Variants in OLFM2 observed in about 807,000 individuals in gnomAD.
OLFM2 encodes the protein noelin-2.
Under a neutral mutation model 43.9 loss-of-function variants are expected in OLFM2, and 20 were observed. That is an observed-to-expected ratio of 0.46 (90% CI 0.32 to 0.66). The LOEUF (loss-of-function observed/expected upper bound fraction) is 0.66. OLFM2 is among the 30% of genes least tolerant of loss of function. OLFM2 has a pLI of 0.04. For missense variants in OLFM2, 416 were observed against 643.6 expected (o/e 0.65, Z 3.83); for synonymous variants, 268 against 278.6 (o/e 0.96, Z 0.38).
chr19:9,890,381 G>A lies in OLFM2; in HGVS notation c.64-29587C>T, dbSNP rs529293890. ...AGGGAAGACTCTGGGGGGAGGGGGCGGGCACTGTGGCCTCCTGCCCTGCCT... is the reference window on the plus strand; with the variant it reads ...AGGGAAGACTCTGGGGGGAGGGGGCAGGCACTGTGGCCTCCTGCCCTGCCT... On this transcript the variant is annotated intron_variant, in intron 1 of 5. Coordinates refer to ENST00000264833, the MANE Select transcript of OLFM2 (RefSeq NM_058164.4). Among the ~76,000 whole-genome samples the A allele has an allele frequency of 6.6e-5, 10 of 152,238 alleles. No individual in the cohort carries two copies. In the South Asian group the frequency reaches 8.3e-4, roughly 13 times the overall value.
intron 1 of OLFM2, among the ~76,000 whole-genome samples, chr19:9,865,258 G>A (rs191575157): frequency 4.0e-5 from 6 of 150,906 alleles, no homozygotes; most frequent in African/African-American, 1.2e-4. Context: ...TCAACCTCCT[G>A]GGCTTAAATA....
At chr19:9,889,313 G>C (rs930221053) in intron 1 of OLFM2, among the ~76,000 whole-genome samples, 2 of 151,892 alleles carry the variant, frequency 1.3e-5, no homozygotes, top group Non-Finnish European at 2.9e-5. Context: ...GCAGTGGCGC[G>C]ATCACAGCAC....
intron 1 of OLFM2, among the ~76,000 whole-genome samples, chr19:9,925,687 A>G (rs1452867933): frequency 1.3e-5 from 2 of 151,714 alleles, no homozygotes; most frequent in African/African-American, 4.8e-5. Flanking sequence ...CACCCACCTC[A>G]GCCTCCCAAT....
At chr19:9,890,238 GAGA>G (rs532889112) in intron 1 of OLFM2, among the ~76,000 whole-genome samples, 281 of 152,314 alleles carry the variant, frequency 1.8e-3, no homozygotes, top group African/African-American at 6.6e-3. Context: ...TCCGGGGGCA[GAGA>G]AGGTGTCTGC....
At chr19:9,871,457 C>T (rs2145444688) in intron 1 of OLFM2, among the ~76,000 whole-genome samples, 1 of 151,582 alleles carries the variant, frequency 6.6e-6, no homozygotes, top group East Asian at 1.9e-4. Context: ...ACTATGATCC[C>T]AGCTACTCAG....
chr19:9,864,338 T>G (rs1020915110), intron 1 of OLFM2, among the ~76,000 whole-genome samples: 2 of 152,206 alleles, frequency 1.3e-5, no homozygotes, highest in African/African-American at 4.8e-5. Context: ...TCTCGCTGTG[T>G]CTCCCAGGCT....
intron 1 of OLFM2, among the ~76,000 whole-genome samples, chr19:9,867,384 TAAC>T (rs1235917103): frequency 2.6e-5 from 4 of 151,382 alleles, no homozygotes; most frequent in East Asian, 3.9e-4. Context: ...AAAACAACAA[TAAC>T]AACAACAAAA....
chr19:9,881,997 G>C (rs556356998), intron 1 of OLFM2, among the ~76,000 whole-genome samples: 1 of 152,274 alleles, frequency 6.6e-6, no homozygotes, highest in South Asian at 2.1e-4. Context: ...CGTGGGAGGA[G>C]GCCGAGGCGG....
At chr19:9,855,733 G>C (rs1487651759) in intron 5 of OLFM2, among the ~76,000 whole-genome samples, 1 of 151,220 alleles carries the variant, frequency 6.6e-6, no homozygotes, top group Non-Finnish European at 1.5e-5. Context: ...ACAAGGTCTC[G>C]CAATGTTGCC....
chr19:9,888,383 G>C (rs962763627), intron 1 of OLFM2, among the ~76,000 whole-genome samples: 4 of 151,714 alleles, frequency 2.6e-5, no homozygotes, highest in African/African-American at 9.7e-5. Context: ...AATTAGCCGG[G>C]TGTGGTGGTG....
At chr19:9,897,645 G>C (rs759976963) in intron 1 of OLFM2, among the ~76,000 whole-genome samples, 1 of 152,106 alleles carries the variant, frequency 6.6e-6, no homozygotes, top group Non-Finnish European at 1.5e-5. Context: ...GCTCCCTCCC[G>C]GTCTCAGTAA....
At chr19:9,866,038 T>A (rs764226389) in intron 1 of OLFM2, among the ~76,000 whole-genome samples, 1 of 152,134 alleles carries the variant, frequency 6.6e-6, no homozygotes, top group South Asian at 2.1e-4. Context: ...AGAGGAAATA[T>A]TGAATTGTAA....
intron 2 of OLFM2, among the ~76,000 whole-genome samples, chr19:9,860,015 G>C (rs572348374): frequency 4.6e-5 from 7 of 152,122 alleles, no homozygotes; most frequent in African/African-American, 1.7e-4. Context: ...GGTGGCACAC[G>C]CCTGTAATCC....
At chr19:9,859,748 G>A (rs928306752) in intron 2 of OLFM2, among the ~76,000 whole-genome samples, 5 of 152,160 alleles carry the variant, frequency 3.3e-5, no homozygotes, top group Non-Finnish European at 7.3e-5. Context: ...CATGCCTGGT[G>A]GACCAGAGCT....
At chr19:9,898,347 C>G (rs1032039353) in intron 1 of OLFM2, among the ~76,000 whole-genome samples, 28 of 150,776 alleles carry the variant, frequency 1.9e-4, no homozygotes, top group African/African-American at 6.6e-4. Context: ...CATGATGAAA[C>G]CTCTTCTCTA....
chr19:9,911,920 C>T (rs2046830530), intron 1 of OLFM2, among the ~76,000 whole-genome samples: 1 of 152,172 alleles, frequency 6.6e-6, no homozygotes, highest in Non-Finnish European at 1.5e-5. Flanking sequence ...TGCACACATG[C>T]AATCTTGTAA....
Position 9,857,309 on chromosome 19 carries a change from C to A in OLFM2, c.534G>T (p.Arg178=), listed in dbSNP as rs2046327929. 6.2e-7 allele frequency: 1 copy of A among 1,614,044 alleles called. No homozygotes were observed. The highest frequency in any genetic ancestry group is 1.7e-5 in the Admixed American group (1 of 59,998). Residue 178 remains arginine, a synonymous_variant, in exon 4 of 6, where the codon CGG becomes CGT. Transcript: ENST00000264833. This position sits in a 1 kb window ranked among gnomAD's most constrained non-coding sequence, Gnocchi z 5.7. ...GGAGCCGGGCCTCCAGGGCCATCAC[C>A]CGTTGCTGCAGGTCCTCATACCCGT... is the stretch of plus-strand genomic sequence containing the variant. ...GAYGYEDLQQ[R]VMALEARLHA... is the part of the protein sequence containing the mutation.
chr19:9,930,281 G>C (rs906260635), intron 1 of OLFM2, among the ~76,000 whole-genome samples: 3 of 152,038 alleles, frequency 2.0e-5, no homozygotes, highest in Admixed American at 6.6e-5. Context: ...TTAAAAATTT[G>C]TTTTTATTCA....
intron 1 of OLFM2, among the ~76,000 whole-genome samples, chr19:9,914,050 G>T (rs1568384924): frequency 6.9e-6 from 1 of 144,878 alleles, no homozygotes; most frequent in Non-Finnish European, 1.5e-5. Flanking sequence ...CCACCACCGC[G>T]GTGGCATTCC....
Sources: gnomAD v4.1 joint callset for allele counts (sites outside exome capture counted in the v4.1 genomes callset) on GRCh38, gnomAD v4.1.1 for gene constraint, Gnocchi (gnomAD v3.1) non-coding constraint, MANE v1.5 for transcripts, NCBI Gene and HGNC (gene_info 2026-07-23, HGNC 2026-07-21) for gene names.